Variants in SAMTOR observed in about 807,000 individuals in gnomAD.
SAMTOR encodes the protein UPF0532 protein C7orf60.
the SAMTOR span, among the ~76,000 whole-genome samples, chr7:112,920,599 G>C: frequency 2.0e-5 from 3 of 148,638 alleles, no homozygotes; most frequent in Non-Finnish European, 3.0e-5. Flanking sequence ...GTTCTGGCCA[G>C]GGCAATTAGG....
At chr7:112,862,081 C>T in the SAMTOR span, among the ~76,000 whole-genome samples, 4 of 152,062 alleles carry the variant, frequency 2.6e-5, no homozygotes, top group Non-Finnish European at 4.4e-5. Context: ...ATTGGTGAAG[C>T]CCTGTCTCTA....
At chr7:112,859,689 A>G in the SAMTOR span, among the ~76,000 whole-genome samples, 1 of 152,168 alleles carries the variant, frequency 6.6e-6, no homozygotes, top group Admixed American at 6.5e-5. Flanking sequence ...CTTAGCTTTT[A>G]CCAAAAAAGT....
At chr7:112,839,965 GTC>G in the SAMTOR span, among the ~76,000 whole-genome samples, 3 of 151,840 alleles carry the variant, frequency 2.0e-5, no homozygotes, top group East Asian at 5.8e-4. Context: ...TATATTCAGA[GTC>G]TGACAATCTA....
At chr7:112,936,866 T>C in the SAMTOR span, among the ~76,000 whole-genome samples, 1 of 152,202 alleles carries the variant, frequency 6.6e-6, no homozygotes, top group Non-Finnish European at 1.5e-5. Flanking sequence ...TTTCACCTAA[T>C]GGAAATTCTA....
chr7:112,868,286 G>A, the SAMTOR span, among the ~76,000 whole-genome samples: 27 of 152,304 alleles, frequency 1.8e-4, no homozygotes, highest in East Asian at 1.2e-3. Context: ...AAAATAGTGC[G>A]TAAAGATCAA....
chr7:112,895,734 C>A, the SAMTOR span: 1 of 1,527,070 alleles, frequency 6.5e-7, no homozygotes, highest in Non-Finnish European at 8.9e-7. Context: ...ATATTCTCTG[C>A]ATACACTACA....
At chr7:112,939,336 CTTGGAGGGGGT>C in the SAMTOR span, 6 of 561,344 alleles carry the variant, frequency 1.1e-5, no homozygotes, top group Non-Finnish European at 1.6e-5. Context: ...GGGACAGGGG[CTTGGAGGGGGT>C]GGGGACTCAA....
the SAMTOR span, chr7:112,821,671 C>G: frequency 1.4e-6 from 2 of 1,399,740 alleles, no homozygotes; most frequent in Non-Finnish European, 1.9e-6. Flanking sequence ...GTACTGAGTT[C>G]ATGTTAGTAT....
At chr7:112,874,491 G>A in the SAMTOR span, among the ~76,000 whole-genome samples, 4 of 152,236 alleles carry the variant, frequency 2.6e-5, no homozygotes, top group East Asian at 1.9e-4. Context: ...GACTCCAAAC[G>A]TAGAGGAGGG....
chr7:112,915,047 T>C, the SAMTOR span, among the ~76,000 whole-genome samples: 4 of 152,002 alleles, frequency 2.6e-5, no homozygotes, highest in Non-Finnish European at 5.9e-5. Context: ...GAGACCAGCC[T>C]GGCCAAGATG....
chr7:112,906,200 G>T, the SAMTOR span, among the ~76,000 whole-genome samples: 1 of 152,108 alleles, frequency 6.6e-6, no homozygotes, highest in Non-Finnish European at 1.5e-5. Context: ...AAATCTAGAT[G>T]GTATAGCCTA....
At chr7:112,917,176 C>T in the SAMTOR span, among the ~76,000 whole-genome samples, 23 of 152,326 alleles carry the variant, frequency 1.5e-4, no homozygotes, top group Middle Eastern at 3.4e-3. Context: ...CCCTGACCCC[C>T]GAGCAGCCTA....
chr7:112,851,261 ACC>A, the SAMTOR span, among the ~76,000 whole-genome samples: 2 of 152,166 alleles, frequency 1.3e-5, no homozygotes, highest in African/African-American at 4.8e-5. Context: ...AGCAAAAAGA[ACC>A]AAGCTGGAAT....
At chr7:112,870,262 G>C in the SAMTOR span, among the ~76,000 whole-genome samples, 1 of 152,026 alleles carries the variant, frequency 6.6e-6, no homozygotes, top group East Asian at 1.9e-4. Flanking sequence ...GACTATCCAA[G>C]GTCAAAGCAA....
At chr7:112,901,327 C>T in the SAMTOR span, among the ~76,000 whole-genome samples, 32 of 152,256 alleles carry the variant, frequency 2.1e-4, no homozygotes, top group African/African-American at 6.0e-4. Context: ...CATAGAAGCA[C>T]GAACCCTTAT....
At chr7:112,821,614 C>A in the SAMTOR span, 1 of 845,478 alleles carries the variant, frequency 1.2e-6, no homozygotes, top group Non-Finnish European at 1.7e-6. Flanking sequence ...AAAAAAATAG[C>A]AAACTCTGTA....
chr7:112,907,703 G>C, the SAMTOR span, among the ~76,000 whole-genome samples: 1 of 151,256 alleles, frequency 6.6e-6, no homozygotes, highest in African/African-American at 2.4e-5. Context: ...TATATAAAAA[G>C]GTACTTTACC....
chr7:112,934,027 A>G, the SAMTOR span, among the ~76,000 whole-genome samples: 2 of 152,174 alleles, frequency 1.3e-5, no homozygotes, highest in Non-Finnish European at 2.9e-5. Flanking sequence ...TATTATAGTA[A>G]ACATAATTTT....
At chr7:112,860,665 G>T in the SAMTOR span, among the ~76,000 whole-genome samples, 3 of 152,164 alleles carry the variant, frequency 2.0e-5, no homozygotes, top group South Asian at 6.2e-4. Context: ...CACTTTGGGA[G>T]GCCGAGGCGG....
Sources: allele counts gnomAD v4.1 joint callset (sites outside exome capture counted in the v4.1 genomes callset), GRCh38; gene constraint gnomAD v4.1.1; transcripts MANE v1.5; gene names NCBI Gene and HGNC (gene_info 2026-07-23, HGNC 2026-07-21).